NMNAT2: variants seen among roughly 807,000 people sequenced by gnomAD.
The protein encoded by NMNAT2 is nicotinamide/nicotinic acid mononucleotide adenylyltransferase 2.
NMNAT2 carries 11 observed loss-of-function variants against 41.6 expected under a neutral mutation model. That is an observed-to-expected ratio of 0.26 (90% CI 0.17 to 0.44). The LOEUF is 0.44. NMNAT2 is among the 20% of genes least tolerant of loss of function. The pLI, the probability that NMNAT2 is intolerant of heterozygous loss-of-function variation, is 1.00. For missense variants in NMNAT2, 288 were observed against 407.7 expected (o/e 0.71, Z 2.53); for synonymous variants, 148 against 151.2 (o/e 0.98, Z 0.16).
chr1:183,367,260 A>C (rs1047496984), intron 1 of NMNAT2, among the ~76,000 whole-genome samples: 2 of 152,054 alleles, frequency 1.3e-5, no homozygotes, highest in African/African-American at 4.8e-5. Context: ...GAAGTTTGAG[A>C]CCAGCCTGAC....
At chr1:183,384,410 T>C (rs935312046) in intron 1 of NMNAT2, among the ~76,000 whole-genome samples, 1 of 152,102 alleles carries the variant, frequency 6.6e-6, no homozygotes, top group Admixed American at 6.5e-5. Context: ...ATGTTGGCCA[T>C]GCTCGTCTCA....
intron 1 of NMNAT2, among the ~76,000 whole-genome samples, chr1:183,334,987 A>G (rs1662654509): frequency 6.6e-6 from 1 of 152,174 alleles, no homozygotes; most frequent in South Asian, 2.1e-4. Context: ...CTGGAGCACA[A>G]CTTGGAATTA....
intron 1 of NMNAT2, among the ~76,000 whole-genome samples, chr1:183,400,362 T>A (rs1031685585): frequency 1.3e-5 from 2 of 152,184 alleles, no homozygotes; most frequent in African/African-American, 4.8e-5. Flanking sequence ...ACAAGGGACG[T>A]GAAGGACCTC....
At chr1:183,407,468 T>C (rs995128691) in intron 1 of NMNAT2, among the ~76,000 whole-genome samples, 2 of 152,188 alleles carry the variant, frequency 1.3e-5, no homozygotes, top group African/African-American at 4.8e-5. Flanking sequence ...TGAGCATCTA[T>C]TTTGCCTAGA....
At chr1:183,405,577 G>A (rs1255649103) in intron 1 of NMNAT2, among the ~76,000 whole-genome samples, 1 of 152,224 alleles carries the variant, frequency 6.6e-6, no homozygotes, top group Non-Finnish European at 1.5e-5. Flanking sequence ...CCTGGGAATA[G>A]GGAAGCGTCC....
rs74129750 is a variant in NMNAT2, at chr1:183,349,851, G to T, written c.86-56058C>A. On this transcript the variant is annotated intron_variant, in intron 1 of 10. Transcript: ENST00000287713. ...TTGCAGACTGGGAGTCTGGGAGGGG[G>T]AAGTAGGAAGCCCACCCCTCTGAGA... is the stretch of plus-strand genomic sequence containing the variant. Among the ~76,000 whole-genome samples the T allele has an allele frequency of 9.3e-3, 1,413 of 152,284 alleles. 18 individuals are homozygous for T. Among genetic ancestry groups the T allele is most frequent in the African/African-American group, 0.032 (1,348 of 41,536 alleles).
chr1:183,370,668 G>A (rs1227192918), intron 1 of NMNAT2, among the ~76,000 whole-genome samples: 1 of 152,224 alleles, frequency 6.6e-6, no homozygotes, highest in Non-Finnish European at 1.5e-5. Flanking sequence ...GGAGAGTACT[G>A]GTGGGGATCC....
At position 183,309,503 on chromosome 1, in the gene NMNAT2, G is replaced by A. The variant is rs551635286; in HGVS notation, c.86-15710C>T. 2.6e-5 allele frequency among the ~76,000 whole-genome samples: 4 copies of A among 152,326 alleles called. No homozygotes were observed. In the South Asian group the frequency reaches 6.2e-4, roughly 24 times the overall value. ...CTGAATTAGATACGATACTTGGCAC[G>A]TTAATGTGTTTGATAACTATGATAT... On this transcript the variant is annotated intron_variant, in intron 1 of 10. Transcript: ENST00000287713.
At chr1:183,336,069 T>C (rs897085240) in intron 1 of NMNAT2, among the ~76,000 whole-genome samples, 3 of 152,226 alleles carry the variant, frequency 2.0e-5, no homozygotes, top group Non-Finnish European at 4.4e-5. Context: ...CATACCAACT[T>C]TATTCCCTGG....
At chr1:183,261,735 C>A (rs979483620) in intron 8 of NMNAT2, among the ~76,000 whole-genome samples, 21 of 152,286 alleles carry the variant, frequency 1.4e-4, no homozygotes, top group Non-Finnish European at 2.4e-4. Flanking sequence ...ATGAGAGGGA[C>A]TAAATGCTCT....
At chr1:183,299,388 A>T (rs1571583676) in intron 1 of NMNAT2, among the ~76,000 whole-genome samples, 1 of 152,198 alleles carries the variant, frequency 6.6e-6, no homozygotes, top group South Asian at 2.1e-4. Flanking sequence ...AAAAAAATAA[A>T]AAAATAAAAA....
chr1:183,370,007 G>A (rs1663497181), intron 1 of NMNAT2, among the ~76,000 whole-genome samples: 1 of 152,046 alleles, frequency 6.6e-6, no homozygotes, highest in Non-Finnish European at 1.5e-5. Context: ...GCTAGGTCAT[G>A]CTAAAGAGAA....
intron 1 of NMNAT2, among the ~76,000 whole-genome samples, chr1:183,397,314 T>C (rs1332519109): frequency 6.6e-6 from 1 of 151,896 alleles, no homozygotes; most frequent in Admixed American, 6.6e-5. Flanking sequence ...CGGGTATCAG[T>C]GATTGAAGAT....
At chr1:183,255,758 G>C (rs1195559568) in intron 10 of NMNAT2, among the ~76,000 whole-genome samples, 1 of 151,332 alleles carries the variant, frequency 6.6e-6, no homozygotes, top group African/African-American at 2.4e-5. Flanking sequence ...CAGCCTCCTG[G>C]GTTCAAGTGA....
chr1:183,263,725 G>A (rs745807670), intron 8 of NMNAT2, among the ~76,000 whole-genome samples: 2 of 152,168 alleles, frequency 1.3e-5, no homozygotes, highest in Non-Finnish European at 2.9e-5. Context: ...GGAGAATGGT[G>A]TGAACCTGAG....
intron 1 of NMNAT2, among the ~76,000 whole-genome samples, chr1:183,303,623 C>T (rs1661921984): frequency 6.6e-6 from 1 of 152,194 alleles, no homozygotes; most frequent in South Asian, 2.1e-4. Flanking sequence ...TTTTGGGAAG[C>T]AGGGAGCTGG....
chr1:183,395,058 A>G (rs890276342), intron 1 of NMNAT2, among the ~76,000 whole-genome samples: 2 of 152,076 alleles, frequency 1.3e-5, no homozygotes, highest in Non-Finnish European at 2.9e-5. Flanking sequence ...GTGACTGCAT[A>G]CTGGCCCAGG....
intron 1 of NMNAT2, among the ~76,000 whole-genome samples, chr1:183,406,475 G>A (rs1648958082): frequency 1.3e-5 from 2 of 152,156 alleles, no homozygotes; most frequent in South Asian, 4.1e-4. Flanking sequence ...TAAAAAAAGT[G>A]CAATTGTGCC....
chr1:183,328,008 C>T (rs1267511294), intron 1 of NMNAT2, among the ~76,000 whole-genome samples: 1 of 152,140 alleles, frequency 6.6e-6, no homozygotes, highest in African/African-American at 2.4e-5. Context: ...GGCTCATCAA[C>T]GTCAGCTGCC....
Sources: gnomAD v4.1 joint callset for allele counts (sites outside exome capture counted in the v4.1 genomes callset) on GRCh38, gnomAD v4.1.1 for gene constraint, MANE v1.5 for transcripts, NCBI Gene and HGNC (gene_info 2026-07-23, HGNC 2026-07-21) for gene names.